The following TECRL variants were observed in gnomAD, a reference collection of about 807,000 sequenced individuals.
TECRL encodes trans-2,3-enoyl-CoA reductase like.
In TECRL, 63 loss-of-function variants were observed where a neutral mutation model predicts 52.8. The observed-to-expected ratio is 1.19, with a 90% CI of 0.97 to 1.47. TECRL has a LOEUF of 1.47. TECRL is among the 40% of genes most tolerant of loss of function. The pLI, the probability that TECRL is intolerant of heterozygous loss-of-function variation, is 0.00. For missense variants in TECRL, 482 were observed against 429.6 expected, an observed-to-expected ratio of 1.12 and a Z score of -1.08; for synonymous variants, 164 against 141.9, an observed-to-expected ratio of 1.16 and a Z score of -1.10.
rs1177062516 is a variant in TECRL, at chr4:64,407,708, T to C, written c.234+1410A>G. On this transcript the variant is annotated intron_variant, in intron 1 of 11. Transcript: ENST00000381210. ...CCTTGAATTTAACTGTGTTTTTTCT[T>C]GTAAGATTTGTGTTTTTCATAGTGG... Among the ~76,000 whole-genome samples, 4 of 151,736 alleles carry C rather than the reference T, an allele frequency of 2.6e-5. 1 individual carries two copies. The highest frequency in any genetic ancestry group is 5.9e-5 in the Non-Finnish European group (4 of 67,850).
chr4:64,327,827 T>C (rs889879474), intron 3 of TECRL, among the ~76,000 whole-genome samples: 1 of 151,984 alleles, frequency 6.6e-6, no homozygotes, highest in Non-Finnish European at 1.5e-5. Flanking sequence ...TTCAACTCAT[T>C]ATTTATGAAA....
At chr4:64,382,261 A>G (rs1722862264) in intron 1 of TECRL, among the ~76,000 whole-genome samples, 1 of 143,142 alleles carries the variant, frequency 7.0e-6, no homozygotes, top group South Asian at 2.1e-4. Flanking sequence ...AATATATATT[A>G]TGTTATATAT....
At chr4:64,309,181 T>C (rs199984697) in intron 6 of TECRL, among the ~76,000 whole-genome samples, 5 of 152,304 alleles carry the variant, frequency 3.3e-5, no homozygotes, top group African/African-American at 1.2e-4. Context: ...AGAATGGCTG[T>C]TCTGTTGCGA....
chr4:64,350,165 G>A (rs11732622), intron 2 of TECRL, among the ~76,000 whole-genome samples: 102,252 of 152,050 alleles, frequency 0.67, 35,510 homozygotes, highest in Non-Finnish European at 0.76. Context: ...GCTAAACTGA[G>A]TCAGAACACA....
chr4:64,336,722 G>T (rs1173021730), intron 2 of TECRL, among the ~76,000 whole-genome samples: 1 of 152,190 alleles, frequency 6.6e-6, no homozygotes, highest in Middle Eastern at 3.4e-3. Flanking sequence ...TGTTCTCACT[G>T]GTTTCAAAGA....
At chr4:64,343,960 T>TA (rs950537460) in intron 2 of TECRL, among the ~76,000 whole-genome samples, 15 of 151,812 alleles carry the variant, frequency 9.9e-5, no homozygotes, top group East Asian at 3.9e-4. Flanking sequence ...CATAAAATTT[T>TA]AAAAAAAATA....
At chr4:64,373,589 G>T (rs1313704112) in intron 2 of TECRL, among the ~76,000 whole-genome samples, 1 of 151,636 alleles carries the variant, frequency 6.6e-6, no homozygotes, top group Non-Finnish European at 1.5e-5. Context: ...CAGGGTGACT[G>T]CACATTCTTT....
chr4:64,361,963 T>C (rs980423055), intron 2 of TECRL, among the ~76,000 whole-genome samples: 3 of 152,094 alleles, frequency 2.0e-5, no homozygotes, highest in African/African-American at 4.8e-5. Flanking sequence ...AAAACTAAAA[T>C]GGTGCATGTA....
intron 3 of TECRL, among the ~76,000 whole-genome samples, chr4:64,323,044 T>C (rs1399079137): frequency 6.6e-6 from 1 of 152,142 alleles, no homozygotes; most frequent in Non-Finnish European, 1.5e-5. Flanking sequence ...GTTACTATCC[T>C]ATTATTTCTG....
intron 2 of TECRL, among the ~76,000 whole-genome samples, chr4:64,335,368 T>C (rs925827298): frequency 4.6e-5 from 7 of 152,346 alleles, no homozygotes; most frequent in African/African-American, 1.7e-4. Flanking sequence ...TAATGGTCAC[T>C]ATCTCCTATC....
intron 1 of TECRL, among the ~76,000 whole-genome samples, chr4:64,392,643 C>G (rs1424672266): frequency 6.6e-6 from 1 of 151,868 alleles, no homozygotes; most frequent in African/African-American, 2.4e-5. Context: ...GACTTAAACT[C>G]TGCTTTTATA....
chr4:64,394,053 C>T (rs1224969762), intron 1 of TECRL, among the ~76,000 whole-genome samples: 1 of 151,998 alleles, frequency 6.6e-6, no homozygotes, highest in Non-Finnish European at 1.5e-5. Context: ...AATATGTTCT[C>T]TCCATCTTTA....
At chr4:64,367,594 C>T (rs1353242420) in intron 2 of TECRL, among the ~76,000 whole-genome samples, 1 of 151,846 alleles carries the variant, frequency 6.6e-6, no homozygotes, top group Middle Eastern at 3.2e-3. Context: ...TAAATTTGAC[C>T]AGTATTTTAT....
At chr4:64,345,948 C>T (rs1275751801) in intron 2 of TECRL, among the ~76,000 whole-genome samples, 2 of 81,968 alleles carry the variant, frequency 2.4e-5, no homozygotes, top group African/African-American at 1.0e-4. Flanking sequence ...TCATATCCCT[C>T]AAAGTATTAA....
chr4:64,392,042 A>AGAAAAAC (rs1195730491), intron 1 of TECRL, among the ~76,000 whole-genome samples: 1 of 151,930 alleles, frequency 6.6e-6, no homozygotes, highest in Non-Finnish European at 1.5e-5. Context: ...CACATACTGC[A>AGAAAAAC]TATATATCAC....
At chr4:64,361,768 A>G (rs536504200) in intron 2 of TECRL, among the ~76,000 whole-genome samples, 1 of 152,248 alleles carries the variant, frequency 6.6e-6, no homozygotes, top group South Asian at 2.1e-4. Context: ...GATGAGAAAG[A>G]ACCAGTGCAA....
intron 5 of TECRL, among the ~76,000 whole-genome samples, chr4:64,310,423 T>C (rs1724603790): frequency 6.6e-6 from 1 of 152,172 alleles, no homozygotes; most frequent in African/African-American, 2.4e-5. Context: ...GCAGTAATAA[T>C]GTAGTTTTGT....
chr4:64,332,075 A>G (rs1241277454), intron 2 of TECRL, among the ~76,000 whole-genome samples: 1 of 152,152 alleles, frequency 6.6e-6, no homozygotes, highest in Non-Finnish European at 1.5e-5. Flanking sequence ...GATCTGGGAG[A>G]CAGGAGAAGC....
At chr4:64,357,000 T>G (rs928102142) in intron 2 of TECRL, among the ~76,000 whole-genome samples, 1 of 152,176 alleles carries the variant, frequency 6.6e-6, no homozygotes, top group Non-Finnish European at 1.5e-5. Context: ...TTTAATTATA[T>G]GTTTATTTTA....
Sources: allele counts gnomAD v4.1 joint callset (sites outside exome capture counted in the v4.1 genomes callset), GRCh38; gene constraint gnomAD v4.1.1; transcripts MANE v1.5; gene names NCBI Gene and HGNC (gene_info 2026-07-23, HGNC 2026-07-21).